Variants in EPS15 observed in about 807,000 individuals in gnomAD.
EPS15 encodes epidermal growth factor receptor pathway substrate 15.
In EPS15, 72 loss-of-function variants were observed where a neutral mutation model predicts 113.8. The observed-to-expected ratio is 0.63, with a 90% CI of 0.52 to 0.77. The LOEUF (loss-of-function observed/expected upper bound fraction) is 0.77, where lower values mean the gene tolerates loss of function less well. Ranked by LOEUF, EPS15 falls within the 30% of genes least tolerant of loss-of-function variation. The pLI is 0.00. For missense variants in EPS15, 1,048 were observed against 1,045.8 expected (o/e 1.00, Z -0.03); for synonymous variants, 344 against 363.4 (o/e 0.95, Z 0.61).
At chr1:51,376,068 C>T (rs537132732) in intron 21 of EPS15, among the ~76,000 whole-genome samples, 1 of 152,338 alleles carries the variant, frequency 6.6e-6, no homozygotes, top group South Asian at 2.1e-4. Context: ...AAGCAGTCTT[C>T]TACTGGAAGA....
Position 51,440,433 on chromosome 1 carries a change from C to A in EPS15, c.955-1G>T. ...CAACAGGACTTGATCCTATGATGTT[C>A]TAAAAACAAAAAGTTCACAATTATA... On this transcript the variant is annotated splice_acceptor_variant, in intron 11 of 24. Coordinates refer to ENST00000371733, the MANE Select transcript of EPS15 (RefSeq NM_001981.3). LOFTEE classifies it high-confidence loss of function. 6.5e-7 allele frequency: 1 copy of A among 1,529,278 alleles called. No homozygotes were observed. The highest frequency in any genetic ancestry group is 8.9e-7 in the Non-Finnish European group (1 of 1,122,130). 94.7% of individuals were successfully genotyped at this position (1,529,278 alleles called of 1,614,324 possible). A position where few individuals can be genotyped will look rare whatever the true frequency, so the allele number is the denominator to read the frequency against.
chr1:51,518,062 G>C (rs190821696), intron 1 of EPS15, among the ~76,000 whole-genome samples: 3 of 152,228 alleles, frequency 2.0e-5, no homozygotes. Context: ...AAGGAAGACG[G>C]GATGGGCCCC....
chr1:51,393,760 T>A (rs1479976106), intron 21 of EPS15, among the ~76,000 whole-genome samples: 1 of 152,250 alleles, frequency 6.6e-6, no homozygotes, highest in Non-Finnish European at 1.5e-5. Flanking sequence ...AGTTACTTTG[T>A]TGAAAAAGCT....
At chr1:51,375,946 A>G (rs1646786557) in intron 21 of EPS15, among the ~76,000 whole-genome samples, 1 of 152,270 alleles carries the variant, frequency 6.6e-6, no homozygotes, top group South Asian at 2.1e-4. Context: ...AAGAAGAAAA[A>G]CAAACTTAGC....
intron 7 of EPS15, among the ~76,000 whole-genome samples, chr1:51,462,870 ATTTT>A (rs34320767): frequency 3.6e-5 from 4 of 111,070 alleles, no homozygotes; most frequent in African/African-American, 7.2e-5. Context: ...AAAAAGTCAG[ATTTT>A]TTTTTTTTTT....
chr1:51,359,895 T>C (rs1646341376), intron 24 of EPS15, among the ~76,000 whole-genome samples: 2 of 152,124 alleles, frequency 1.3e-5, no homozygotes, highest in Admixed American at 1.3e-4. Context: ...GTCGTCTTAG[T>C]TGCATGCAGA....
chr1:51,519,202 T>C lies in EPS15; in HGVS notation c.30A>G (p.Thr10=). The change falls in exon 1 of 25, where the codon ACA becomes ACG. Residue 10 remains threonine, a synonymous_variant. Transcript: ENST00000371733. The part of the protein sequence containing the change: MAAAAQLSL[T]QLSSGNPVYE... ...GCGGACGGGCGTGTGGCGTTACCTG[T>C]GTCAGAGAGAGCTGGGCCGCCGCAG... 1 of 1,417,778 alleles carries C rather than the reference T, an allele frequency of 7.1e-7. No homozygotes were observed. The allele number at this position is 1,417,778 out of a possible 1,614,324, so 87.8% of individuals were successfully genotyped here. A position where few individuals can be genotyped will look rare whatever the true frequency, so the allele number is the denominator to read the frequency against.
chr1:51,412,172 A>C (rs529668596), intron 13 of EPS15, among the ~76,000 whole-genome samples: 1 of 152,192 alleles, frequency 6.6e-6, no homozygotes, highest in Non-Finnish European at 1.5e-5. Flanking sequence ...ACGCATGGAC[A>C]CAAGGGAGGG....
intron 12 of EPS15, among the ~76,000 whole-genome samples, chr1:51,430,977 T>TATAC (rs1651666469): frequency 8.2e-6 from 1 of 122,028 alleles, no homozygotes; most frequent in Non-Finnish European, 1.7e-5. Context: ...ATTACTTACA[T>TATAC]ACACACACAC....
chr1:51,386,174 G>A (rs183148901), intron 21 of EPS15, among the ~76,000 whole-genome samples: 37 of 152,226 alleles, frequency 2.4e-4, no homozygotes, highest in African/African-American at 6.5e-4. Flanking sequence ...CATACGCCCA[G>A]GCATATTTTC....
chr1:51,429,807 C>T (rs1238652684), intron 12 of EPS15, among the ~76,000 whole-genome samples: 6 of 152,056 alleles, frequency 3.9e-5, no homozygotes, highest in African/African-American at 9.7e-5. Flanking sequence ...TCCGCCACCA[C>T]GCCTGGCTAA....
At chr1:51,511,662 C>G (rs1644623916) in intron 1 of EPS15, among the ~76,000 whole-genome samples, 1 of 152,162 alleles carries the variant, frequency 6.6e-6, no homozygotes, top group Admixed American at 6.5e-5. Context: ...AAACACCCTA[C>G]AATGCACAGA....
At chr1:51,462,319 C>T (rs560884017) in intron 7 of EPS15, among the ~76,000 whole-genome samples, 20 of 150,372 alleles carry the variant, frequency 1.3e-4, no homozygotes, top group African/African-American at 4.7e-4. Context: ...GCCAAGATTG[C>T]GCCATTGCAC....
At position 51,391,313 on chromosome 1, in the gene EPS15, G is replaced by A. The variant is rs573238593; in HGVS notation, c.2119+3068C>T. On this transcript the variant is annotated intron_variant, in intron 21 of 24. Transcript: ENST00000371733. Reference sequence around the variant, plus strand: ...GGAACATCACACACCATGGCCTTTCGTGGGTTGGGGGGAAGGGGGAGGGAT... The same window carrying A: ...GGAACATCACACACCATGGCCTTTCATGGGTTGGGGGGAAGGGGGAGGGAT... Among the ~76,000 whole-genome samples the A allele has an allele frequency of 1.5e-3, 223 of 152,080 alleles. 1 individual carries two copies. Among genetic ancestry groups the A allele is most frequent in the African/African-American group, 3.8e-3 (159 of 41,482 alleles).
intron 24 of EPS15, among the ~76,000 whole-genome samples, chr1:51,357,426 A>ATATTTTT (rs1443627608): frequency 3.2e-4 from 17 of 53,538 alleles, no homozygotes; most frequent in African/African-American, 1.5e-3. Flanking sequence ...ATATATATAT[A>ATATTTTT]TTTTTTTTTT....
chr1:51,433,882 C>A (rs1651933593), intron 12 of EPS15, among the ~76,000 whole-genome samples: 1 of 152,154 alleles, frequency 6.6e-6, no homozygotes. Flanking sequence ...TTAACTCCTG[C>A]CTCAGCATAA....
chr1:51,448,677 C>A (rs568388313), intron 8 of EPS15, among the ~76,000 whole-genome samples: 1 of 152,146 alleles, frequency 6.6e-6, no homozygotes. Flanking sequence ...ACTTTGTTAG[C>A]TAAACTGTGG....
At chr1:51,406,600 ATT>A in intron 15 of EPS15, among the ~76,000 whole-genome samples, 1 of 152,318 alleles carries the variant, frequency 6.6e-6, no homozygotes, top group East Asian at 1.9e-4. Flanking sequence ...GACAATAAGT[ATT>A]TCTCTCTTGA....
chr1:51,370,767 C>A (rs1323321441), intron 21 of EPS15, among the ~76,000 whole-genome samples: 1 of 151,662 alleles, frequency 6.6e-6, no homozygotes, highest in East Asian at 1.9e-4. Flanking sequence ...ATTATAGGCA[C>A]GTACCACCAT....
Sources: gnomAD v4.1 joint callset for allele counts (sites outside exome capture counted in the v4.1 genomes callset) on GRCh38, gnomAD v4.1.1 for gene constraint, MANE v1.5 for transcripts, NCBI Gene and HGNC (gene_info 2026-07-23, HGNC 2026-07-21) for gene names.